Variants in RAP1GDS1 observed in about 807,000 individuals in gnomAD.
RAP1GDS1 encodes the protein RAP1, GTP-GDP dissociation stimulator 1.
RAP1GDS1 carries 35 observed loss-of-function variants against 71.1 expected under a neutral mutation model. The ratio of observed to expected loss-of-function variants is 0.49; its 90% CI spans 0.38 to 0.65. RAP1GDS1 has a LOEUF of 0.65. Among genes scored for constraint, RAP1GDS1 ranks in the 30% least tolerant of loss-of-function variants. The probability of loss-of-function intolerance (pLI) is 0.00; values close to 1 mark genes in which losing one functional copy is unlikely to be tolerated. For missense variants in RAP1GDS1, 663 were observed against 706.1 expected (o/e 0.94, Z 0.69); for synonymous variants, 229 against 243.1 (o/e 0.94, Z 0.54).
intron 5 of RAP1GDS1, among the ~76,000 whole-genome samples, chr4:98,381,498 A>C (rs1742018933): frequency 6.6e-6 from 1 of 151,660 alleles, no homozygotes; most frequent in African/African-American, 2.4e-5. Flanking sequence ...TTATGTTTGA[A>C]GACTTAAATA....
At chr4:98,298,677 C>T (rs1237326575) in intron 2 of RAP1GDS1, among the ~76,000 whole-genome samples, 2 of 152,150 alleles carry the variant, frequency 1.3e-5, no homozygotes, top group Non-Finnish European at 2.9e-5. Flanking sequence ...CCTGGTCACC[C>T]AAGAGCTCTG....
chr4:98,401,439 A>C (rs1039942323), intron 6 of RAP1GDS1, among the ~76,000 whole-genome samples: 15 of 152,188 alleles, frequency 9.9e-5, no homozygotes, highest in Admixed American at 2.6e-4. Flanking sequence ...TCATAGTAGA[A>C]ATTTGATCAG....
chr4:98,379,087 C>T lies in RAP1GDS1; in HGVS notation c.432C>T (p.Cys144=), dbSNP rs756881283. 3.7e-6 allele frequency: 6 copies of T among 1,610,396 alleles called. No homozygotes were observed. Among genetic ancestry groups the T allele is most frequent in the Non-Finnish European group, 5.1e-6 (6 of 1,178,022 alleles). ...TAATTGACCATTTAAGGTCACTGTGCAGTATAACAGATCCCGCCAATGAGA... is the reference window on the plus strand; with the variant it reads ...TAATTGACCATTTAAGGTCACTGTGTAGTATAACAGATCCCGCCAATGAGA... The part of the protein sequence containing the change: ...QIVIDHLRSL[C]SITDPANEKL... The change falls in exon 5 of 15, where the codon TGC becomes TGT. Residue 144 remains cysteine, a synonymous_variant. Coordinates refer to ENST00000408927, the MANE Select transcript of RAP1GDS1 (RefSeq NM_001100427.2).
chr4:98,416,334 GTTTTTTTTTTTTTTTTT>G (rs70955932), intron 7 of RAP1GDS1, among the ~76,000 whole-genome samples: 1 of 51,554 alleles, frequency 1.9e-5, no homozygotes, highest in Non-Finnish European at 3.5e-5. Context: ...CATTTTCTTA[GTTTTTTTTTTTTTTTTT>G]TTTTTTTTTT....
At chr4:98,334,917 CAAA>C (rs1324052277) in intron 2 of RAP1GDS1, among the ~76,000 whole-genome samples, 1 of 66,282 alleles carries the variant, frequency 1.5e-5, no homozygotes, top group Non-Finnish European at 3.4e-5. Flanking sequence ...TCAAAGTAAG[CAAA>C]AAAAAAAAAA....
Position 98,421,342 on chromosome 4 carries a change from T to C in RAP1GDS1, c.1388T>C (p.Met463Thr). 1.2e-6 allele frequency: 2 copies of C among 1,610,768 alleles called. No individual in the cohort carries two copies. Among genetic ancestry groups the C allele is most frequent in the Middle Eastern group, 1.7e-4 (1 of 6,044 alleles). ...GAAGCCAAAGATCATGCTGGTGTGA[T>C]GGGGGAGTCAAACAGACTGCTGTCT... ...WCEAKDHAGV[M>T]GESNRLLSAL... The change falls in exon 12 of 15, where the codon ATG becomes ACG. Residue 463 changes from methionine (M) to threonine (T), a missense_variant. Transcript: ENST00000408927.
chr4:98,359,732 C>T (rs572121708), intron 4 of RAP1GDS1, among the ~76,000 whole-genome samples: 21 of 152,228 alleles, frequency 1.4e-4, no homozygotes, highest in Non-Finnish European at 1.6e-4. Context: ...GAAGGAGCCT[C>T]TGAAAGTAAC....
chr4:98,377,112 A>G (rs1167927226), intron 4 of RAP1GDS1, among the ~76,000 whole-genome samples: 2 of 151,946 alleles, frequency 1.3e-5, no homozygotes, highest in African/African-American at 4.8e-5. Flanking sequence ...TATGAATACA[A>G]GGCTTAGTTT....
rs139772288 is a variant in RAP1GDS1 at position 98,356,479 on chromosome 4, G to A, written c.361+3878G>A. ...TTTGAGACTAGTGTTCTGTTTTGTG[G>A]ATATTACTGCCTGAGGTCAGAAAAT... On this transcript the variant is annotated intron_variant, in intron 4 of 14. Transcript: ENST00000408927. Among the ~76,000 whole-genome samples the A allele has an allele frequency of 3.9e-3, 598 of 152,098 alleles. 5 individuals carry two copies. Among genetic ancestry groups the A allele is most frequent in the African/African-American group, 0.014 (567 of 41,516 alleles).
At chr4:98,306,751 A>G (rs918606455) in intron 2 of RAP1GDS1, among the ~76,000 whole-genome samples, 3 of 152,180 alleles carry the variant, frequency 2.0e-5, no homozygotes, top group African/African-American at 7.2e-5. Flanking sequence ...AGATGTTTGA[A>G]TTTGAAATTA....
chr4:98,407,388 T>C (rs1228258239), intron 7 of RAP1GDS1, among the ~76,000 whole-genome samples: 1 of 152,154 alleles, frequency 6.6e-6, no homozygotes, highest in Non-Finnish European at 1.5e-5. Flanking sequence ...TATATATTCT[T>C]TTAAAAAGCA....
chr4:98,346,055 C>T (rs1736196284), intron 3 of RAP1GDS1, among the ~76,000 whole-genome samples: 1 of 152,144 alleles, frequency 6.6e-6, no homozygotes, highest in Admixed American at 6.6e-5. Flanking sequence ...ATCCACTCAC[C>T]CAGACTTACT....
chr4:98,283,817 A>ATTTTTTTTTT (rs10582639), intron 1 of RAP1GDS1, among the ~76,000 whole-genome samples: 21 of 133,968 alleles, frequency 1.6e-4, no homozygotes, highest in Non-Finnish European at 1.4e-4. Context: ...TTTCATTGTG[A>ATTTTTTTTTT]TTTTTTTTTT....
intron 6 of RAP1GDS1, among the ~76,000 whole-genome samples, chr4:98,398,221 G>A (rs569661136): frequency 2.1e-5 from 3 of 143,366 alleles, no homozygotes; most frequent in African/African-American, 5.6e-5. Flanking sequence ...AGTTGTACGA[G>A]TAAAGGAAAA....
chr4:98,365,600 G>A (rs1398550451), intron 4 of RAP1GDS1, among the ~76,000 whole-genome samples: 1 of 152,050 alleles, frequency 6.6e-6, no homozygotes, highest in Non-Finnish European at 1.5e-5. Flanking sequence ...TCCAGCCTGG[G>A]CAACAGAGCA....
At chr4:98,341,206 A>AT (rs1735460368) in intron 2 of RAP1GDS1, among the ~76,000 whole-genome samples, 1 of 152,096 alleles carries the variant, frequency 6.6e-6, no homozygotes, top group African/African-American at 2.4e-5. Context: ...TTCCTGTTAG[A>AT]TTTTTCTAAA....
Position 98,437,007 on chromosome 4 carries a change from G to C in RAP1GDS1, c.1635G>C (p.Glu545Asp). ...VQILHRLLADERSAPEIKYNS... is the reference protein window; with the variant it reads ...VQILHRLLADDRSAPEIKYNS... ...TTTTACATAGACTGCTAGCAGATGA[G>C]AGAAGTGCTCCTGAAATCAAATATA... The change falls in exon 14 of 15, where the codon GAG becomes GAC. Residue 545 changes from glutamate to aspartate, a missense_variant. Physicochemically the swap from Glu to Asp is conservative, Grantham distance 45. Transcript: ENST00000408927. The C allele has an allele frequency of 6.2e-7, 1 of 1,612,914 alleles. No homozygotes were observed. Among genetic ancestry groups the C allele is most frequent in the East Asian group, 2.2e-5 (1 of 44,750 alleles).
At chr4:98,336,752 C>A (rs989312072) in intron 2 of RAP1GDS1, among the ~76,000 whole-genome samples, 1 of 151,986 alleles carries the variant, frequency 6.6e-6, no homozygotes, top group Non-Finnish European at 1.5e-5. Context: ...TTATTCCCAT[C>A]CCTGCCACCT....
chr4:98,272,987 G>T (rs72892352), intron 1 of RAP1GDS1, among the ~76,000 whole-genome samples: 5,301 of 152,228 alleles, frequency 0.035, 288 homozygotes, highest in African/African-American at 0.12. Flanking sequence ...TGAACTACCA[G>T]AGAATGGTCG....
Sources: allele counts gnomAD v4.1 joint callset (sites outside exome capture counted in the v4.1 genomes callset), GRCh38; gene constraint gnomAD v4.1.1; transcripts MANE v1.5; gene names NCBI Gene and HGNC (gene_info 2026-07-23, HGNC 2026-07-21).